The following PABIR3 variants were observed in gnomAD, a reference collection of about 807,000 sequenced individuals.
The protein encoded by PABIR3 is PABIR family member 1.
PABIR3 carries 20 observed loss-of-function variants against 23.1 expected under a neutral mutation model. That is an observed-to-expected ratio of 0.86 (90% CI 0.61 to 1.26). The LOEUF is 1.26. PABIR3 is among the 50% of genes most tolerant of loss of function. PABIR3 has a pLI of 0.00. For missense variants in PABIR3, 189 were observed against 195.4 expected (o/e 0.97, Z 0.20); for synonymous variants, 69 against 68.5 (o/e 1.01, Z -0.04).
At chrX:134,843,886 G>A (rs1376254301) in intron 4 of PABIR3, among the ~76,000 whole-genome samples, 3 of 103,838 alleles carry the variant, frequency 2.9e-5, no homozygotes, top group Non-Finnish European at 3.9e-5. Context: ...ATTTCTGTGC[G>A]CTCTATTCTG....
chrX:134,823,621 C>T (rs1050928373), intron 3 of PABIR3, among the ~76,000 whole-genome samples: 21 of 111,300 alleles, frequency 1.9e-4, no homozygotes, highest in African/African-American at 6.8e-4. Context: ...AAAATGTATA[C>T]ATGTACACAT....
Position 134,845,397 on chromosome X carries a change from A to G in PABIR3, c.341A>G (p.Lys114Arg). ...AGTCACTCTTGGGAAGAAGGCTTGAAACTGGTATGATATTATAACTTCAGT... is the reference window on the plus strand; with the variant it reads ...AGTCACTCTTGGGAAGAAGGCTTGAGACTGGTATGATATTATAACTTCAGT... ...QISHSWEEGL[K>R]LNDNGLQKSS... The change falls in exon 6 of 11, where the codon AAA becomes AGA. Residue 114 changes from lysine (K) to arginine (R), a missense_variant. By Grantham distance (26) the Lys-to-Arg change is conservative (BLOSUM62 2). Coordinates refer to ENST00000645433, the MANE Select transcript of PABIR3 (RefSeq NM_001388447.1). 1 of 1,197,834 alleles carries G rather than the reference A, an allele frequency of 8.3e-7. No homozygotes were observed. The highest frequency in any genetic ancestry group is 1.8e-5 in the South Asian group (1 of 54,611).
chrX:134,810,282 G>T, intron 2 of PABIR3: 1 of 752,980 alleles, frequency 1.3e-6, no homozygotes, highest in Non-Finnish European at 1.6e-6. Context: ...GTTCTGCAAA[G>T]GATTTTTTTG....
At chrX:134,856,143 A>G (rs187576774), downstream of PABIR3, among the ~76,000 whole-genome samples, 13 of 111,225 alleles carry the variant, frequency 1.2e-4, no homozygotes, top group East Asian at 3.7e-3. Flanking sequence ...GACTATCTCA[A>G]TATACTTTTC....
At chrX:134,797,848 C>T (rs2079944187) in intron 1 of PABIR3, among the ~76,000 whole-genome samples, 1 of 100,298 alleles carries the variant, frequency 1.0e-5, no homozygotes, top group South Asian at 4.8e-4. Context: ...GAGTCTCGCT[C>T]TTTCGCCCAG....
At chrX:134,796,402 A>C, upstream of PABIR3, 1 of 396,521 alleles carries the variant, frequency 2.5e-6, no homozygotes, top group Non-Finnish European at 4.4e-6. Flanking sequence ...GAGGATGATG[A>C]TGAGGAAGGG....
intron 4 of PABIR3, chrX:134,844,214 C>T (rs1167238622): frequency 1.8e-5 from 2 of 110,972 alleles, no homozygotes; most frequent in Non-Finnish European, 3.8e-5. Context: ...GTTCTTATGC[C>T]AGAACTACAC....
chrX:134,851,616 T>C (rs758223276), intron 9 of PABIR3, among the ~76,000 whole-genome samples: 15 of 111,405 alleles, frequency 1.3e-4, no homozygotes, highest in Non-Finnish European at 5.6e-5. Context: ...GCTATAAATA[T>C]CGTTTGACAA....
At chrX:134,853,879 A>G (rs2082718061) in intron 10 of PABIR3, among the ~76,000 whole-genome samples, 1 of 111,746 alleles carries the variant, frequency 8.9e-6, no homozygotes, top group African/African-American at 3.3e-5. Flanking sequence ...TGGCCTTGCA[A>G]AGTGCTTGGA....
chrX:134,829,378 G>A, intron 4 of PABIR3, 96 bp downstream of exon 4: 2 of 675,840 alleles, frequency 3.0e-6, no homozygotes, highest in East Asian at 3.4e-5. Context: ...TCTAAGTGAG[G>A]TCACGTGTAA....
chrX:134,824,830 T>G (rs772820397), intron 3 of PABIR3, among the ~76,000 whole-genome samples: 21 of 110,791 alleles, frequency 1.9e-4, no homozygotes, highest in African/African-American at 3.6e-4. Context: ...AGAAAAAAAA[T>G]AAAAGATCAG....
intron 2 of PABIR3, among the ~76,000 whole-genome samples, chrX:134,812,766 A>G (rs776846038): frequency 2.4e-4 from 27 of 111,169 alleles, no homozygotes; most frequent in Non-Finnish European, 4.7e-4. Context: ...AAGAGGGGGA[A>G]CAATGGTTGG....
intron 2 of PABIR3, chrX:134,810,905 C>T (rs1444497832): frequency 1.3e-6 from 1 of 752,245 alleles, no homozygotes; most frequent in East Asian, 1.5e-4. Context: ...TGTGACATGC[C>T]TGAGGTCAGG....
At chrX:134,827,353 G>A (rs767317274) in intron 3 of PABIR3, among the ~76,000 whole-genome samples, 8 of 110,771 alleles carry the variant, frequency 7.2e-5, no homozygotes, top group African/African-American at 2.6e-4. Flanking sequence ...CCATCTATTG[G>A]TTTCTACTGG....
At chrX:134,826,150 G>A (rs2081495515) in intron 3 of PABIR3, among the ~76,000 whole-genome samples, 1 of 111,161 alleles carries the variant, frequency 9.0e-6, no homozygotes, top group South Asian at 3.8e-4. Context: ...CTTTGAGCAT[G>A]ACATTTAAAG....
At chrX:134,839,035 G>C (rs1387352044) in intron 4 of PABIR3, 1 of 100,385 alleles carries the variant, frequency 1.0e-5, no homozygotes, top group African/African-American at 3.8e-5. Flanking sequence ...GCGTGATCTC[G>C]GCTCGCTACA....
intron 4 of PABIR3, among the ~76,000 whole-genome samples, chrX:134,837,664 A>G: frequency 8.9e-6 from 1 of 112,223 alleles, no homozygotes; most frequent in Admixed American, 9.5e-5. Context: ...ATTATAAACC[A>G]TCTCAAATCC....
intron 9 of PABIR3, among the ~76,000 whole-genome samples, chrX:134,850,055 A>G (rs1489346702): frequency 9.4e-6 from 1 of 106,827 alleles, no homozygotes; most frequent in Non-Finnish European, 1.9e-5. Context: ...TTGTATTTTT[A>G]GTAGAGACAG....
chrX:134,821,508 C>T (rs1020697441), intron 3 of PABIR3: 1 of 1,150,149 alleles, frequency 8.7e-7, no homozygotes, highest in Non-Finnish European at 1.1e-6. Flanking sequence ...GTCACTGCGT[C>T]ACTTCTCCAT....
Sources: allele counts gnomAD v4.1 joint callset (sites outside exome capture counted in the v4.1 genomes callset), GRCh38; gene constraint gnomAD v4.1.1; transcripts MANE v1.5; gene names NCBI Gene and HGNC (gene_info 2026-07-23, HGNC 2026-07-21).